COL27A1: variants seen among roughly 807,000 people sequenced by gnomAD.
The protein encoded by COL27A1 is collagen alpha-1(XXVII) chain.
In COL27A1, 106 loss-of-function variants were observed where a neutral mutation model predicts 251.3. The ratio of observed to expected loss-of-function variants is 0.42; its 90% confidence interval spans 0.36 to 0.50. The LOEUF (loss-of-function observed/expected upper bound fraction) is 0.50. Among genes scored for constraint, COL27A1 ranks in the 20% least tolerant of loss-of-function variants. The pLI, the probability that COL27A1 is intolerant of heterozygous loss-of-function variation, is 0.00. For missense variants in COL27A1, 2,325 were observed against 2,522.8 expected (o/e 0.92, Z 1.68); for synonymous variants, 1,000 against 986.3 (o/e 1.01, Z -0.26).
At chr9:114,219,098 G>T (rs1320720959) in intron 12 of COL27A1, among the ~76,000 whole-genome samples, 1 of 152,144 alleles carries the variant, frequency 6.6e-6, no homozygotes, top group African/African-American at 2.4e-5. Context: ...GGCCCCCGAA[G>T]GCGTCCTTAC....
chr9:114,208,956 A>AGAGCCCCAGAATGGTGAC (rs1225065589), intron 10 of COL27A1, among the ~76,000 whole-genome samples: 2 of 152,214 alleles, frequency 1.3e-5, no homozygotes, highest in East Asian at 3.9e-4. Flanking sequence ...ATCCTAGGGA[A>AGAGCCCCAGAATGGTGAC]GAGCCCCAGA....
chr9:114,301,615 G>A (rs1588896388), intron 54 of COL27A1, 67 bp from the exon 55 acceptor site: 4 of 1,540,586 alleles, frequency 2.6e-6, no homozygotes, highest in Non-Finnish European at 3.5e-6. Flanking sequence ...GCTTGAGGAG[G>A]GACTGGGTTG....
At chr9:114,155,073 C>A (rs1848042207), upstream of COL27A1, among the ~76,000 whole-genome samples, 1 of 151,992 alleles carries the variant, frequency 6.6e-6, no homozygotes, top group Non-Finnish European at 1.5e-5. This position sits in a 1 kb window ranked among gnomAD's most constrained non-coding sequence, Gnocchi z 5.5. Context: ...TATATGTTCT[C>A]CAGGGCGCTC....
chr9:114,155,145 G>A (rs1404278440), upstream of COL27A1, among the ~76,000 whole-genome samples: 1 of 152,042 alleles, frequency 6.6e-6, no homozygotes, highest in Non-Finnish European at 1.5e-5. This position sits in a 1 kb window ranked among gnomAD's most constrained non-coding sequence, Gnocchi z 5.5. Context: ...TGTCGTGGGC[G>A]TCTGGACACC....
chr9:114,243,387 C>A, intron 22 of COL27A1, 120 bp from the exon 23 acceptor site: 1 of 794,312 alleles, frequency 1.3e-6, no homozygotes. Flanking sequence ...ATGCCCCTGT[C>A]CACCAGGGTA....
chr9:114,289,289 C>A lies in COL27A1; in HGVS notation c.4200C>A (p.Gly1400=). The A allele has an allele frequency of 1.3e-6, 2 of 1,589,456 alleles. No individual in the cohort carries two copies. Among genetic ancestry groups the A allele is most frequent in the Non-Finnish European group, 1.7e-6 (2 of 1,170,524 alleles). Residue 1400 remains glycine (G), a synonymous_variant, in exon 45 of 61, where the codon GGC becomes GGA. Transcript: ENST00000356083. ...GGCCGGGACCCAAAGGATCGAAAGG[C>A]GCAGAGGTAAGAGGGCCGGGGGTTC... ...RGWPGPKGSK[G]AEGPKGKQGK...
chr9:114,284,659 G>A, intron 40 of COL27A1, 65 bp from the exon 41 acceptor site: 1 of 1,543,624 alleles, frequency 6.5e-7, no homozygotes, highest in Non-Finnish European at 9.0e-7. Flanking sequence ...CCCCATCTTG[G>A]AGTCCATGTC....
rs765268490 is a variant in COL27A1, at chr9:114,288,470, G to T, written c.4003G>T (p.Asp1335Tyr). 1 of 1,610,430 alleles carries T rather than the reference G, an allele frequency of 6.2e-7. No homozygotes were observed. Among genetic ancestry groups the T allele is most frequent in the Admixed American group, 1.7e-5 (1 of 59,600 alleles). Reference sequence around the variant, plus strand: ...GTGTCCACAGGGGGAGCAGGGCGAGGACGGCAAGGCTGAGGGGCCCCCTGG... The same window carrying T: ...GTGTCCACAGGGGGAGCAGGGCGAGTACGGCAAGGCTGAGGGGCCCCCTGG... The part of the protein sequence containing the change: ...PKGEKGEQGE[D>Y]GKAEGPPGPP... Residue 1335 changes from aspartate (D) to tyrosine (Y), a missense_variant, in exon 42 of 61, where the codon GAC (aspartate) becomes TAC (tyrosine). By Grantham distance (160) the Asp-to-Tyr change is radical. Transcript: ENST00000356083.
At chr9:114,254,608 G>T (rs941746499) in intron 27 of COL27A1, among the ~76,000 whole-genome samples, 1 of 152,170 alleles carries the variant, frequency 6.6e-6, no homozygotes, top group Admixed American at 6.5e-5. Flanking sequence ...AGCTCAGGTT[G>T]CCTGGGTGTC....
At chr9:114,294,665 A>T (rs1184985578) in intron 49 of COL27A1, among the ~76,000 whole-genome samples, 1 of 152,256 alleles carries the variant, frequency 6.6e-6, no homozygotes, top group Non-Finnish European at 1.5e-5. Context: ...AACTCTCAAC[A>T]AACTAGGTAT....
chr9:114,183,046 C>T lies in COL27A1; in HGVS notation c.1987C>T (p.Pro663Ser). 1 of 1,613,572 alleles carries T rather than the reference C, an allele frequency of 6.2e-7. No individual in the cohort carries two copies. The highest frequency in any genetic ancestry group is 8.5e-7 in the Non-Finnish European group (1 of 1,179,958). Reference protein sequence around the residue: ...PRGPPGPYGNPGLPGPPGAKG... With the variant: ...PRGPPGPYGNSGLPGPPGAKG... ...GGGTCCTCCTGGGCCTTATGGAAATCCAGGTCTCCCCGGCCCTCCTGGAGC... is the reference window on the plus strand; with the variant it reads ...GGGTCCTCCTGGGCCTTATGGAAATTCAGGTCTCCCCGGCCCTCCTGGAGC... Residue 663 changes from proline (P) to serine (S), a missense_variant, in exon 5 of 61, where the codon CCA becomes TCA. This residue lies in a region of COL27A1 where 1,183 missense variants were observed against 1,144.1 expected (regional missense o/e 1.03). Coordinates refer to ENST00000356083, the MANE Select transcript of COL27A1 (RefSeq NM_032888.4).
Position 114,267,539 on chromosome 9 carries a change from T to C in COL27A1, c.3483T>C (p.Pro1161=). 1 of 1,592,470 alleles carries C rather than the reference T, an allele frequency of 6.3e-7. No homozygotes were observed. The highest frequency in any genetic ancestry group is 8.5e-7 in the Non-Finnish European group (1 of 1,172,508). ...PPGAVGEPGL[P]GEAGMKGDLG... The stretch of plus-strand genomic sequence containing the variant: ...GTGCAGTGGGAGAACCGGGCCTTCC[T>C]GGGGAAGCCGGGATGAAGGTGAGGT... Residue 1161 remains proline (P), a synonymous_variant, in exon 34 of 61, where the codon CCT becomes CCC. Transcript: ENST00000356083.
chr9:114,231,917 C>T (rs372666523), intron 16 of COL27A1, 51 bp downstream of exon 16: 47 of 1,573,592 alleles, frequency 3.0e-5, no homozygotes, highest in Non-Finnish European at 3.8e-5. Flanking sequence ...ATGCCACCCC[C>T]CTCTCCGCCC....
In COL27A1 at chr9:114,307,673, C is replaced by G; in HGVS notation, c.5112C>G (p.Thr1704=). The G allele has an allele frequency of 6.2e-7, 1 of 1,612,820 alleles. No individual in the cohort carries two copies. The change falls in exon 59 of 61, where the codon ACC becomes ACG. Residue 1704 remains threonine, a synonymous_variant. Transcript: ENST00000356083. ...TCCATCCCACGCTGCCTGCAGGTAC[C>G]TACTGGGTGGATCCAAACCTTGGCT... The part of the protein sequence containing the change: ...MDCEQKMVDG[T]YWVDPNLGCS...
chr9:114,273,937 C>G (rs955657404), intron 36 of COL27A1: 4 of 152,256 alleles, frequency 2.6e-5, no homozygotes, highest in African/African-American at 9.6e-5. Context: ...CTGATTGCTT[C>G]AAAACCATAA....
chr9:114,205,715 G>A (rs201668138), intron 8 of COL27A1, 44 bp from the exon 9 acceptor site: 25 of 1,566,078 alleles, frequency 1.6e-5, no homozygotes, highest in Non-Finnish European at 1.2e-5. Flanking sequence ...CCAGAGCTGG[G>A]CAGGGTCTTT....
intron 1 of COL27A1, among the ~76,000 whole-genome samples, chr9:114,160,995 A>T (rs552887612): frequency 5.3e-5 from 8 of 152,210 alleles, no homozygotes; most frequent in Non-Finnish European, 1.0e-4. Context: ...CAAGTAACTG[A>T]AGACCCAACT....
At chr9:114,242,119 C>A (rs1588742785) in intron 21 of COL27A1, 68 bp from the exon 22 acceptor site, 3 of 1,392,816 alleles carry the variant, frequency 2.2e-6, no homozygotes, top group Non-Finnish European at 2.9e-6. Context: ...CCATACAGGA[C>A]AAGATCTCTG....
In COL27A1 at chr9:114,264,419, C is replaced by CT. The variant is rs1454224228; in HGVS notation, c.3249+12dup. The CT allele has an allele frequency of 1.3e-6, 2 of 1,556,564 alleles. No homozygotes were observed. The highest frequency in any genetic ancestry group is 1.7e-6 in the Non-Finnish European group (2 of 1,147,834). On this transcript the variant is annotated intron_variant, in intron 29 of 60. Coordinates refer to ENST00000356083, the MANE Select transcript of COL27A1 (RefSeq NM_032888.4). The stretch of plus-strand genomic sequence containing the variant: ...TCCAGGGGCCTGAAGGTACCGACCC[C>CT]TAGGACCTGCCCTTCCTCACTCCTC...
Sources: gnomAD v4.1 joint callset for allele counts (sites outside exome capture counted in the v4.1 genomes callset) on GRCh38, gnomAD v4.1.1 for gene constraint, gnomAD v4.1.1 regional missense constraint, Gnocchi (gnomAD v3.1) non-coding constraint, MANE v1.5 for transcripts, NCBI Gene and HGNC (gene_info 2026-07-23, HGNC 2026-07-21) for gene names.